Variants in CAMKK2 observed in about 807,000 individuals in gnomAD.
CAMKK2 encodes the protein calcium/calmodulin dependent protein kinase kinase 2, also known as calcium/calmodulin-dependent protein kinase kinase 2.
CAMKK2 carries 30 observed loss-of-function variants against 67.2 expected under a neutral mutation model. That is an observed-to-expected ratio of 0.45 (90% CI 0.33 to 0.61). The LOEUF is 0.61. CAMKK2 is among the 20% of genes least tolerant of loss of function. The pLI is 0.02. For synonymous variants in CAMKK2, 322 were observed against 326.2 expected, an observed-to-expected ratio of 0.99 and a Z score of 0.14; for missense variants, 643 against 802.0, an observed-to-expected ratio of 0.80 and a Z score of 2.39.
In CAMKK2 at chr12:121,237,848, T is replaced by C. The variant is rs1206511404; in HGVS notation, c.*2851A>G. On this transcript the variant is annotated 3_prime_UTR_variant, in exon 17 of 17. Coordinates refer to ENST00000404169, the MANE Select transcript of CAMKK2 (RefSeq NM_001270485.2). The surrounding 1 kb of genome is among the most constrained non-coding windows in gnomAD (Gnocchi z 4.5). ...ATACACCTGATAAAAGGAAAATGCATAGTAGAAAGGGTCGGGAATGAAACA... is the reference window on the plus strand; with the variant it reads ...ATACACCTGATAAAAGGAAAATGCACAGTAGAAAGGGTCGGGAATGAAACA... The C allele has an allele frequency of 2.0e-5, 3 of 152,574 alleles. No homozygotes were observed. Among genetic ancestry groups the C allele is most frequent in the Admixed American group, 6.5e-5 (1 of 15,274 alleles). The allele number at this position is 152,574 out of a possible 1,614,324, so 9.5% of individuals were successfully genotyped here.
At chr12:121,293,986 G>A (rs1378789122) in intron 1 of CAMKK2, among the ~76,000 whole-genome samples, 3 of 152,086 alleles carry the variant, frequency 2.0e-5, no homozygotes, top group Non-Finnish European at 2.9e-5. Context: ...ACGCTGGAGT[G>A]CAATGGCACG....
Position 121,240,448 on chromosome 12 carries a change from G to A in CAMKK2, c.*251C>T. The A allele has an allele frequency of 6.5e-7, 1 of 1,530,282 alleles. No individual in the cohort carries two copies. Among genetic ancestry groups the A allele is most frequent in the South Asian group, 1.2e-5 (1 of 82,908 alleles). The allele number at this position is 1,530,282 out of a possible 1,614,324, so 94.8% of individuals were successfully genotyped here. A position where few individuals can be genotyped will look rare whatever the true frequency, so the allele number is the denominator to read the frequency against. ...AAAGCAATTGTCCCAAAATGCACGTGGGTTTGGGTCTGCAACTCCTCACAC... is the reference window on the plus strand; with the variant it reads ...AAAGCAATTGTCCCAAAATGCACGTAGGTTTGGGTCTGCAACTCCTCACAC... On this transcript the variant is annotated 3_prime_UTR_variant, in exon 17 of 17. Coordinates refer to ENST00000404169, the MANE Select transcript of CAMKK2 (RefSeq NM_001270485.2). The surrounding 1 kb of genome is among the most constrained non-coding windows in gnomAD (Gnocchi z 4.4).
chr12:121,286,199 C>T (rs1349870134), intron 1 of CAMKK2, among the ~76,000 whole-genome samples: 1 of 152,234 alleles, frequency 6.6e-6, no homozygotes, highest in Non-Finnish European at 1.5e-5. Context: ...AGGGAAGCTG[C>T]TGTCTCCCTA....
intron 16 of CAMKK2, among the ~76,000 whole-genome samples, chr12:121,241,128 A>C (rs899090259): frequency 2.0e-5 from 3 of 152,208 alleles, no homozygotes; most frequent in African/African-American, 7.2e-5. Flanking sequence ...CCCGTACAAC[A>C]GTTCCAAAAC....
intron 9 of CAMKK2, among the ~76,000 whole-genome samples, chr12:121,255,303 T>TAA (rs1566059298): frequency 2.6e-4 from 6 of 23,020 alleles, no homozygotes; most frequent in South Asian, 1.1e-3. Context: ...TATATATAAT[T>TAA]TTATATATAA....
At position 121,285,938 on chromosome 12, in the gene CAMKK2, C is replaced by A. The variant is rs931293252; in HGVS notation, c.-60+10700G>T. Among the ~76,000 whole-genome samples the A allele has an allele frequency of 3.9e-5, 6 of 152,162 alleles. No homozygotes were observed. The highest frequency in any genetic ancestry group is 8.8e-5 in the Non-Finnish European group (6 of 68,038). ...GAGCTCAGAGGATATATTCCTAAAG[C>A]TACCAGGGGCTGGAGAGAACCCTGC... On this transcript the variant is annotated intron_variant, in intron 1 of 16. Coordinates refer to ENST00000404169, the MANE Select transcript of CAMKK2 (RefSeq NM_001270485.2). This position sits in a 1 kb window ranked among gnomAD's most constrained non-coding sequence, Gnocchi z 4.1.
At chr12:121,274,802 T>C (rs1300167263) in intron 1 of CAMKK2, among the ~76,000 whole-genome samples, 1 of 120,240 alleles carries the variant, frequency 8.3e-6, no homozygotes, top group Non-Finnish European at 1.7e-5. Context: ...TTTCTTTTTT[T>C]TTCTTTTTTT....
At chr12:121,279,215 T>A (rs1297088708) in intron 1 of CAMKK2, among the ~76,000 whole-genome samples, 5 of 152,140 alleles carry the variant, frequency 3.3e-5, no homozygotes, top group Non-Finnish European at 5.9e-5. Context: ...GCCTCTGCGG[T>A]CTGTTGGAGG....
At position 121,240,338 on chromosome 12, in the gene CAMKK2, G is replaced by T; in HGVS notation, c.*361C>A. 8.4e-7 allele frequency: 1 copy of T among 1,184,706 alleles called. No individual in the cohort carries two copies. The allele number at this position is 1,184,706 out of a possible 1,614,324, so 73.4% of individuals were successfully genotyped here. On this transcript the variant is annotated 3_prime_UTR_variant, in exon 17 of 17. Coordinates refer to ENST00000404169, the MANE Select transcript of CAMKK2 (RefSeq NM_001270485.2). The surrounding 1 kb of genome is among the most constrained non-coding windows in gnomAD (Gnocchi z 4.4). Reference sequence around the variant, plus strand: ...GTTTTCTGCTCGCCTTTCCACAGTTGTCAAACCCCACACACAGTCACTTGG... The same window carrying T: ...GTTTTCTGCTCGCCTTTCCACAGTTTTCAAACCCCACACACAGTCACTTGG...
In CAMKK2 at chr12:121,255,768, A is replaced by G; in HGVS notation, c.818+15T>C. 6.2e-7 allele frequency: 1 copy of G among 1,613,852 alleles called. No individual in the cohort carries two copies. The highest frequency in any genetic ancestry group is 8.5e-7 in the Non-Finnish European group (1 of 1,179,818). On this transcript the variant is annotated intron_variant, in intron 8 of 16. Coordinates refer to ENST00000404169, the MANE Select transcript of CAMKK2 (RefSeq NM_001270485.2). ...AGCTTCTTGCATCACCCCTGCTGGGAGCTGGGACACTCACCCTTGGTTGAC... is the reference window on the plus strand; with the variant it reads ...AGCTTCTTGCATCACCCCTGCTGGGGGCTGGGACACTCACCCTTGGTTGAC...
rs1433747921 is a variant in CAMKK2, at chr12:121,263,827, G to C, written c.738C>G (p.Pro246=). The stretch of plus-strand genomic sequence containing the variant: ...TTACCTCCACCAGCTTCACCACATT[G>C]GGGTGGTCCAGCTTCTTGAGGATGG... ...EIAILKKLDH[P]NVVKLVEVLD... The change falls in exon 6 of 17, where the codon CCC becomes CCG. Residue 246 remains proline, a synonymous_variant. Coordinates refer to ENST00000404169, the MANE Select transcript of CAMKK2 (RefSeq NM_001270485.2). 1 of 1,611,696 alleles carries C rather than the reference G, an allele frequency of 6.2e-7. No individual in the cohort carries two copies. Among genetic ancestry groups the C allele is most frequent in the Non-Finnish European group, 8.5e-7 (1 of 1,178,266 alleles).
At chr12:121,282,129 GAGCAGGAACTTGTTCCC>G (rs982999085) in intron 1 of CAMKK2, among the ~76,000 whole-genome samples, 19 of 152,274 alleles carry the variant, frequency 1.2e-4, no homozygotes, top group African/African-American at 4.6e-4. Context: ...GATACTAAAG[GAGCAGGAACTTGTTCCC>G]AGCAGAGGAA....
intron 11 of CAMKK2, 88 bp downstream of exon 11, chr12:121,252,573 A>G (rs1351756967): frequency 1.6e-6 from 2 of 1,284,918 alleles, no homozygotes; most frequent in Non-Finnish European, 2.2e-6. Flanking sequence ...TAACTCTTAA[A>G]TAAGTAAGTA....
At chr12:121,256,913 T>C (rs1223853784) in intron 7 of CAMKK2, among the ~76,000 whole-genome samples, 3 of 152,146 alleles carry the variant, frequency 2.0e-5, no homozygotes, top group Non-Finnish European at 4.4e-5. Flanking sequence ...TTTGGTTCTT[T>C]TGGGTATATA....
intron 2 of CAMKK2, among the ~76,000 whole-genome samples, chr12:121,273,136 C>G (rs1896088068): frequency 6.6e-6 from 1 of 152,016 alleles, no homozygotes; most frequent in South Asian, 2.1e-4. Context: ...TGAAGGAAAG[C>G]AAATAGGGCC....
At chr12:121,297,694 G>A (rs1490538018), upstream of CAMKK2, 3 of 517,964 alleles carry the variant, frequency 5.8e-6, no homozygotes, top group East Asian at 1.6e-4. Context: ...CAGCCAAAAG[G>A]GAATCGAGTT....
Position 121,274,493 on chromosome 12 carries a change from T to G in CAMKK2, c.34A>C (p.Asn12His). ...AGCTCATCCTGGGGGGCGGCCCGGT[T>G]GCTGCTGGGCTGGCTAGAGACACAT... The part of the protein sequence containing the change: ...SSCVSSQPSS[N>H]RAAPQDELGG... The change falls in exon 2 of 17, where the codon AAC becomes CAC. Residue 12 changes from asparagine to histidine, a missense_variant. Physicochemically the swap from Asn to His is moderately conservative, Grantham distance 68. Coordinates refer to ENST00000404169, the MANE Select transcript of CAMKK2 (RefSeq NM_001270485.2). 1 of 1,612,502 alleles carries G rather than the reference T, an allele frequency of 6.2e-7. No homozygotes were observed. Among genetic ancestry groups the G allele is most frequent in the Non-Finnish European group, 8.5e-7 (1 of 1,179,916 alleles).
At chr12:121,290,349 A>G (rs1899748822) in intron 1 of CAMKK2, among the ~76,000 whole-genome samples, 1 of 152,210 alleles carries the variant, frequency 6.6e-6, no homozygotes, top group Admixed American at 6.5e-5. Context: ...CCTGGAAAAA[A>G]GTCTCACAAA....
intron 1 of CAMKK2, among the ~76,000 whole-genome samples, chr12:121,295,477 T>C (rs1245965902): frequency 6.6e-6 from 1 of 152,172 alleles, no homozygotes; most frequent in Non-Finnish European, 1.5e-5. Context: ...CCTCCCCTTG[T>C]TGCAGCCCCC....
Sources: gnomAD v4.1 joint callset for allele counts (sites outside exome capture counted in the v4.1 genomes callset) on GRCh38, gnomAD v4.1.1 for gene constraint, Gnocchi (gnomAD v3.1) non-coding constraint, MANE v1.5 for transcripts, NCBI Gene and HGNC (gene_info 2026-07-23, HGNC 2026-07-21) for gene names.